Variants in FGD4 observed in about 807,000 individuals in gnomAD.
FGD4 encodes the protein FYVE, RhoGEF and PH domain-containing protein 4.
FGD4 carries 42 observed loss-of-function variants against 102.0 expected under a neutral mutation model. The observed-to-expected ratio is 0.41, with a 90% CI of 0.32 to 0.53. The LOEUF (loss-of-function observed/expected upper bound fraction) is 0.53. Ranked by LOEUF, FGD4 falls within the 20% of genes least tolerant of loss-of-function variation. The pLI, the probability that FGD4 is intolerant of heterozygous loss-of-function variation, is 0.21. For missense variants in FGD4, 902 were observed against 1,078.2 expected, an observed-to-expected ratio of 0.84 and a Z score of 2.29; for synonymous variants, 380 against 375.7, an observed-to-expected ratio of 1.01 and a Z score of -0.13.
At chr12:32,473,405 C>T (rs1943484670) in intron 1 of FGD4, among the ~76,000 whole-genome samples, 1 of 152,078 alleles carries the variant, frequency 6.6e-6, no homozygotes, top group African/African-American at 2.4e-5. Flanking sequence ...GCCCAGGAGC[C>T]CACTGGGGGG....
intron 10 of FGD4, among the ~76,000 whole-genome samples, chr12:32,618,939 A>T (rs1186189116): frequency 6.6e-6 from 1 of 152,092 alleles, no homozygotes; most frequent in Non-Finnish European, 1.5e-5. Flanking sequence ...ATAGAGTGAG[A>T]CCCTCTCTCA....
Position 32,619,874 on chromosome 12 carries a change from A to G in FGD4, c.1922+4A>G, listed in dbSNP as rs760192025. The G allele has an allele frequency of 1.9e-5, 31 of 1,614,084 alleles. No homozygotes were observed. The highest frequency in any genetic ancestry group is 2.6e-5 in the Non-Finnish European group (31 of 1,179,998). On this transcript the variant is annotated splice_donor_region_variant and intron_variant, in intron 11 of 16. Transcript: ENST00000534526. Reference sequence around the variant, plus strand: ...GAACACTGGAACTGCAGGCCAGGTAAGGGAACCATTTCTATCACACTGCTT... The same window carrying G: ...GAACACTGGAACTGCAGGCCAGGTAGGGGAACCATTTCTATCACACTGCTT...
intron 1 of FGD4, among the ~76,000 whole-genome samples, chr12:32,453,204 AT>A: frequency 2.1e-5 from 1 of 48,636 alleles, no homozygotes; most frequent in Non-Finnish European, 5.7e-5. Flanking sequence ...TATATATTAT[AT>A]ATATATATAT....
intron 1 of FGD4, among the ~76,000 whole-genome samples, chr12:32,499,241 G>T (rs1383367697): frequency 6.6e-6 from 1 of 152,198 alleles, no homozygotes; most frequent in Non-Finnish European, 1.5e-5. Flanking sequence ...CTTCCAAAGC[G>T]GTTTTATCTT....
chr12:32,592,964 G>A (rs1947602343), intron 4 of FGD4, among the ~76,000 whole-genome samples: 2 of 152,184 alleles, frequency 1.3e-5, no homozygotes. Flanking sequence ...TCTATTTACA[G>A]GCACATATCA....
chr12:32,462,496 A>G (rs531400438), intron 1 of FGD4, among the ~76,000 whole-genome samples: 13 of 152,044 alleles, frequency 8.6e-5, no homozygotes, highest in Non-Finnish European at 1.6e-4. Flanking sequence ...CCAGTGTAAC[A>G]CTGTGTGTAT....
intron 2 of FGD4, among the ~76,000 whole-genome samples, chr12:32,571,753 A>C (rs1018422539): frequency 6.6e-6 from 1 of 152,176 alleles, no homozygotes; most frequent in Admixed American, 6.5e-5. Flanking sequence ...CAAGTGGACC[A>C]TTCTAGGTAT....
At chr12:32,483,389 C>A (rs1168812738) in intron 1 of FGD4, among the ~76,000 whole-genome samples, 1 of 152,128 alleles carries the variant, frequency 6.6e-6, no homozygotes, top group Non-Finnish European at 1.5e-5. Context: ...ACGGCTAGAT[C>A]CATATAATCT....
chr12:32,500,392 TTTTTATTTTATTTTATTTTA>T (rs56752650), intron 1 of FGD4, among the ~76,000 whole-genome samples: 15,233 of 135,192 alleles, frequency 0.11, 2,033 homozygotes, highest in African/African-American at 0.32. Flanking sequence ...TTTTATTTTA[TTTTTATTTTATTTTATTTTA>T]TTTTATTTTA....
In FGD4 at chr12:32,642,497, A is replaced by G. The variant is rs1323990409; in HGVS notation, c.*1964A>G. Reference sequence around the variant, plus strand: ...AATGGGAAGATTTATAAGTCAGATTATTTTTGAAAACTATTTTTAAAAGCA... The same window carrying G: ...AATGGGAAGATTTATAAGTCAGATTGTTTTTGAAAACTATTTTTAAAAGCA... On this transcript the variant is annotated 3_prime_UTR_variant, in exon 17 of 17. Coordinates refer to ENST00000534526, the MANE Select transcript of FGD4 (RefSeq NM_001370298.3). 6.6e-6 allele frequency: 1 copy of G among 152,100 alleles called. No homozygotes were observed. Among genetic ancestry groups the G allele is most frequent in the Non-Finnish European group, 1.5e-5 (1 of 67,948 alleles). The allele number at this position is 152,100 out of a possible 1,614,324, so 9.4% of individuals were successfully genotyped here. A position where few individuals can be genotyped will look rare whatever the true frequency, so the allele number is the denominator to read the frequency against.
chr12:32,538,528 A>C (rs1942508350), intron 1 of FGD4, among the ~76,000 whole-genome samples: 2 of 152,162 alleles, frequency 1.3e-5, no homozygotes. Context: ...TGCTATTGGA[A>C]GCCTCACAGG....
intron 1 of FGD4, among the ~76,000 whole-genome samples, chr12:32,440,960 AC>A (rs1183615145): frequency 1.3e-5 from 2 of 152,146 alleles, no homozygotes; most frequent in Non-Finnish European, 2.9e-5. Context: ...CTGCCAGACT[AC>A]TACTGATGTT....
intron 14 of FGD4, among the ~76,000 whole-genome samples, chr12:32,632,713 A>ATTTATTTT (rs1228991669): frequency 3.2e-5 from 4 of 123,804 alleles, no homozygotes; most frequent in South Asian, 2.5e-4. Context: ...TTATTTATTT[A>ATTTATTTT]TTTTTTTTTT....
rs571498077 is a variant in FGD4 at position 32,575,295 on chromosome 12, C to A, written c.320-971C>A. On this transcript the variant is annotated intron_variant, in intron 2 of 16. Coordinates refer to ENST00000534526, the MANE Select transcript of FGD4 (RefSeq NM_001370298.3). Reference sequence around the variant, plus strand: ...TGTACAGGAAGCACAGTGCCACCATCTGCTTGACTTCTGGTGAGAGCCTCA... The same window carrying A: ...TGTACAGGAAGCACAGTGCCACCATATGCTTGACTTCTGGTGAGAGCCTCA... Among the ~76,000 whole-genome samples, 5 of 152,272 alleles carry A rather than the reference C, an allele frequency of 3.3e-5. No homozygotes were observed. In the East Asian group the frequency reaches 9.7e-4, roughly 29 times the overall value.
intron 2 of FGD4, among the ~76,000 whole-genome samples, chr12:32,566,335 C>T (rs549896262): frequency 6.6e-6 from 1 of 152,266 alleles, no homozygotes; most frequent in East Asian, 1.9e-4. Flanking sequence ...ATATTGTCAC[C>T]TTGGGAATGA....
intron 12 of FGD4, 176 bp downstream of exon 12, chr12:32,624,628 G>A (rs1376806855): frequency 1.4e-6 from 1 of 695,814 alleles, no homozygotes; most frequent in Admixed American, 2.1e-5. Flanking sequence ...GCACCACCAT[G>A]TCTGGTTAAT....
At chr12:32,626,468 G>A (rs1392963560) in intron 14 of FGD4, among the ~76,000 whole-genome samples, 2 of 150,742 alleles carry the variant, frequency 1.3e-5, no homozygotes, top group Admixed American at 1.3e-4. Context: ...AAAAAAAAGG[G>A]GGTTGAGAAA....
In FGD4 at chr12:32,625,778, A is replaced by G. The variant is rs759496422; in HGVS notation, c.2171A>G (p.Tyr724Cys). 5 of 1,614,002 alleles carry G rather than the reference A, an allele frequency of 3.1e-6. No individual in the cohort carries two copies. The Admixed American group carries it at 6.7e-5, about 22-fold the overall frequency. ...AGGCATCATTGTCGAGCATGTGGAT[A>G]TGTAAGTGAGATTTCTTGATCATTA... ...RRRHHCRACG[Y>C]VVCWKCSDYK... Residue 724 changes from tyrosine (Y) to cysteine (C), a missense_variant and splice_region_variant, in exon 14 of 17, where the codon TAT (tyrosine) becomes TGT (cysteine). This residue lies in a region of FGD4 where 459 missense variants were observed against 619.0 expected (regional missense o/e 0.74). Coordinates refer to ENST00000534526, the MANE Select transcript of FGD4 (RefSeq NM_001370298.3).
chr12:32,418,696 C>T (rs565887140), intron 1 of FGD4, among the ~76,000 whole-genome samples: 5 of 152,244 alleles, frequency 3.3e-5, no homozygotes, highest in Middle Eastern at 3.4e-3. Context: ...GCCCAAGGCC[C>T]GGTGTAACCA....
Sources: allele counts gnomAD v4.1 joint callset (sites outside exome capture counted in the v4.1 genomes callset), GRCh38; gene constraint gnomAD v4.1.1; regional missense constraint gnomAD v4.1.1; transcripts MANE v1.5; gene names NCBI Gene and HGNC (gene_info 2026-07-23, HGNC 2026-07-21).